Variants in GALNT13 observed in about 807,000 individuals in gnomAD.
GALNT13 encodes polypeptide N-acetylgalactosaminyltransferase 13.
Under a neutral mutation model 64.2 loss-of-function variants are expected in GALNT13, and 28 were observed. That is an observed-to-expected ratio of 0.44 (90% CI 0.32 to 0.60). GALNT13 has a LOEUF of 0.60. Among genes scored for constraint, GALNT13 ranks in the 20% least tolerant of loss-of-function variants. The pLI is 0.05. For synonymous variants in GALNT13, 214 were observed against 224.6 expected (o/e 0.95, Z 0.42); for missense variants, 577 against 669.8 (o/e 0.86, Z 1.53).
intron 3 of GALNT13, among the ~76,000 whole-genome samples, chr2:154,005,709 G>A (rs1298896262): frequency 6.7e-6 from 1 of 149,458 alleles, no homozygotes; most frequent in Non-Finnish European, 1.5e-5. Context: ...TAAATACTTC[G>A]ATTTATTTTT....
intron 3 of GALNT13, among the ~76,000 whole-genome samples, chr2:154,014,914 G>A (rs887084718): frequency 2.0e-5 from 3 of 152,014 alleles, no homozygotes; most frequent in Admixed American, 6.6e-5. Context: ...TTATAGGCGT[G>A]AGCCACCGCG....
chr2:154,355,128 G>C (rs1696662139), intron 9 of GALNT13, among the ~76,000 whole-genome samples: 1 of 152,006 alleles, frequency 6.6e-6, no homozygotes, highest in South Asian at 2.1e-4. Context: ...CTACACGGCA[G>C]CTTTGTCCCC....
the GALNT13 span, among the ~76,000 whole-genome samples, chr2:153,831,080 T>C: frequency 2.6e-5 from 4 of 152,232 alleles, no homozygotes; most frequent in Admixed American, 1.3e-4. Flanking sequence ...ATAACTTACT[T>C]AATTAATTTA....
chr2:153,744,248 C>T, the GALNT13 span, among the ~76,000 whole-genome samples: 5 of 152,060 alleles, frequency 3.3e-5, no homozygotes, highest in African/African-American at 4.8e-5. Context: ...TTTGAGAAAC[C>T]TCCAAACTGC....
chr2:153,127,770 A>G, the GALNT13 span, among the ~76,000 whole-genome samples: 1 of 152,144 alleles, frequency 6.6e-6, no homozygotes, highest in Non-Finnish European at 1.5e-5. Flanking sequence ...TATTATGGCA[A>G]ACTTTTCCCT....
At chr2:153,970,604 T>G (rs1230380835) in intron 3 of GALNT13, among the ~76,000 whole-genome samples, 2 of 152,172 alleles carry the variant, frequency 1.3e-5, no homozygotes, top group Non-Finnish European at 2.9e-5. Context: ...CCTCTCCTAA[T>G]TTTTAGACAT....
chr2:153,778,291 C>A, the GALNT13 span, among the ~76,000 whole-genome samples: 1 of 152,282 alleles, frequency 6.6e-6, no homozygotes, highest in African/African-American at 2.4e-5. Context: ...GGGGGCATGG[C>A]AGGCCAGGGT....
the GALNT13 span, among the ~76,000 whole-genome samples, chr2:153,595,161 T>C: frequency 6.6e-6 from 1 of 151,960 alleles, no homozygotes; most frequent in African/African-American, 2.4e-5. Context: ...ATTTTAGAGT[T>C]GGTAATAAAT....
At chr2:153,957,515 G>C (rs1471484196) in intron 3 of GALNT13, among the ~76,000 whole-genome samples, 7 of 152,196 alleles carry the variant, frequency 4.6e-5, no homozygotes. Flanking sequence ...AAGAAGGTTA[G>C]CTCTAGAATT....
chr2:154,284,103 CTTA>C, intron 8 of GALNT13, among the ~76,000 whole-genome samples: 1 of 152,258 alleles, frequency 6.6e-6, no homozygotes, highest in South Asian at 2.1e-4. Flanking sequence ...ACCTCCCCAA[CTTA>C]TTTTTATATG....
intron 10 of GALNT13, among the ~76,000 whole-genome samples, chr2:154,407,241 C>T (rs1281293713): frequency 1.3e-5 from 2 of 152,032 alleles, no homozygotes; most frequent in Non-Finnish European, 2.9e-5. Context: ...AAAATGAATT[C>T]GTCATTTTGT....
chr2:153,683,454 A>C, the GALNT13 span, among the ~76,000 whole-genome samples: 2 of 151,688 alleles, frequency 1.3e-5, no homozygotes, highest in African/African-American at 2.4e-5. Context: ...CTCACTTTAA[A>C]AATTTTATCT....
intron 8 of GALNT13, among the ~76,000 whole-genome samples, chr2:154,271,254 T>C (rs888891470): frequency 6.6e-6 from 1 of 152,042 alleles, no homozygotes; most frequent in East Asian, 1.9e-4. Context: ...TTTTTGGTTA[T>C]GCTATTTGTT....
chr2:153,775,510 G>A, the GALNT13 span, among the ~76,000 whole-genome samples: 23 of 152,034 alleles, frequency 1.5e-4, no homozygotes, highest in Non-Finnish European at 2.8e-4. Context: ...ATGGAAATCA[G>A]TCATGTTATC....
the GALNT13 span, among the ~76,000 whole-genome samples, chr2:153,480,614 A>C: frequency 6.6e-6 from 1 of 152,216 alleles, no homozygotes; most frequent in African/African-American, 2.4e-5. Context: ...CAATCAGTCT[A>C]TCTTAGTTAA....
chr2:153,126,294 TTGTA>T, the GALNT13 span, among the ~76,000 whole-genome samples: 1,435 of 50,764 alleles, frequency 0.028, 64 homozygotes, highest in Non-Finnish European at 0.044. Context: ...AGTATTGATT[TTGTA>T]TATATATATA....
chr2:153,591,686 A>G, the GALNT13 span, among the ~76,000 whole-genome samples: 1 of 152,108 alleles, frequency 6.6e-6, no homozygotes, highest in Admixed American at 6.6e-5. Context: ...TCAACACAAT[A>G]TGGATTAGAG....
chr2:153,582,331 ATT>A, the GALNT13 span, among the ~76,000 whole-genome samples: 3 of 151,676 alleles, frequency 2.0e-5, no homozygotes, highest in East Asian at 3.9e-4. Context: ...TTTCTAAGGG[ATT>A]TTTTTTTCCA....
the GALNT13 span, among the ~76,000 whole-genome samples, chr2:153,322,008 G>A: frequency 0.67 from 100,966 of 150,970 alleles, 35,398 homozygotes; most frequent in Non-Finnish European, 0.79. Context: ...GTAAATTTAA[G>A]TACGGAAAAA....
Sources: allele counts gnomAD v4.1 joint callset (sites outside exome capture counted in the v4.1 genomes callset), GRCh38; gene constraint gnomAD v4.1.1; transcripts MANE v1.5; gene names NCBI Gene and HGNC (gene_info 2026-07-23, HGNC 2026-07-21).